The following CERT1 variants were observed in gnomAD, a reference collection of about 807,000 sequenced individuals.
CERT1 encodes the protein ceramide transporter 1.
CERT1 carries 31 observed loss-of-function variants against 87.9 expected under a neutral mutation model. That is an observed-to-expected ratio of 0.35 (90% CI 0.27 to 0.48). CERT1 has a LOEUF of 0.48. Among genes scored for constraint, CERT1 ranks in the 20% least tolerant of loss-of-function variants. CERT1 has a pLI of 0.99. For missense variants in CERT1, 487 were observed against 758.0 expected (o/e 0.64, Z 4.20); for synonymous variants, 289 against 250.9 (o/e 1.15, Z -1.44).
chr5:75,445,951 T>C (rs1233301847), intron 3 of CERT1, among the ~76,000 whole-genome samples: 2 of 152,264 alleles, frequency 1.3e-5, no homozygotes, highest in Admixed American at 6.5e-5. Flanking sequence ...GCTTTCAGGA[T>C]ACTCTGTATG....
intron 6 of CERT1, among the ~76,000 whole-genome samples, chr5:75,417,621 A>G: frequency 6.6e-6 from 1 of 152,228 alleles, no homozygotes; most frequent in South Asian, 2.1e-4. Context: ...TCATTCTAGT[A>G]GAATAATTAT....
intron 3 of CERT1, among the ~76,000 whole-genome samples, chr5:75,458,520 T>C (rs1484409268): frequency 6.6e-6 from 1 of 152,186 alleles, no homozygotes; most frequent in African/African-American, 2.4e-5. Flanking sequence ...TGAAAAAGGG[T>C]ATATTTTTGA....
chr5:75,452,924 A>G (rs956315836), intron 3 of CERT1, among the ~76,000 whole-genome samples: 1 of 152,194 alleles, frequency 6.6e-6, no homozygotes, highest in Non-Finnish European at 1.5e-5. Context: ...AGCCAGCACA[A>G]TATTTCTAAA....
At chr5:75,383,278 T>C (rs1761660465) in intron 14 of CERT1, among the ~76,000 whole-genome samples, 1 of 152,136 alleles carries the variant, frequency 6.6e-6, no homozygotes, top group Non-Finnish European at 1.5e-5. Flanking sequence ...ATTATAACTG[T>C]AACAAATTTT....
intron 8 of CERT1, among the ~76,000 whole-genome samples, chr5:75,408,964 G>A (rs1234855726): frequency 1.3e-5 from 2 of 151,882 alleles, no homozygotes; most frequent in African/African-American, 4.8e-5. Context: ...GATGGAAGCA[G>A]AGATAAATAT....
At chr5:75,426,807 T>C (rs908809182) in intron 3 of CERT1, among the ~76,000 whole-genome samples, 4 of 152,206 alleles carry the variant, frequency 2.6e-5, no homozygotes, top group Non-Finnish European at 5.9e-5. Flanking sequence ...TATTATTTAA[T>C]GGACACAGAG....
intron 3 of CERT1, among the ~76,000 whole-genome samples, chr5:75,426,904 T>C (rs185623631): frequency 3.9e-5 from 6 of 152,348 alleles, no homozygotes; most frequent in Non-Finnish European, 8.8e-5. Flanking sequence ...ACCACAGAAC[T>C]GTACACTTAA....
intron 3 of CERT1, among the ~76,000 whole-genome samples, chr5:75,450,852 T>C (rs1393293628): frequency 1.3e-5 from 2 of 152,236 alleles, no homozygotes; most frequent in African/African-American, 4.8e-5. Context: ...CTCACATGTA[T>C]TGTTGATGTT....
intron 2 of CERT1, among the ~76,000 whole-genome samples, chr5:75,491,246 T>C (rs1203081144): frequency 6.6e-6 from 1 of 152,182 alleles, no homozygotes; most frequent in African/African-American, 2.4e-5. Flanking sequence ...AGTTTTGCTT[T>C]AATAGTAGAG....
chr5:75,385,702 G>T (rs1325843602), intron 13 of CERT1, among the ~76,000 whole-genome samples, 200 bp downstream of exon 13: 2 of 152,176 alleles, frequency 1.3e-5, no homozygotes. Flanking sequence ...GATTACTGAG[G>T]TTATTGGATC....
intron 2 of CERT1, among the ~76,000 whole-genome samples, chr5:75,484,452 C>A (rs1443828917): frequency 6.7e-6 from 1 of 148,256 alleles, no homozygotes; most frequent in Admixed American, 6.7e-5. Flanking sequence ...GACAGAGTGA[C>A]TGAATGGATT....
At chr5:75,494,688 G>A (rs1766975196) in intron 2 of CERT1, among the ~76,000 whole-genome samples, 2 of 152,166 alleles carry the variant, frequency 1.3e-5, no homozygotes, top group Admixed American at 6.5e-5. Context: ...TGTAGATCTA[G>A]TTTTGAGCTT....
intron 2 of CERT1, among the ~76,000 whole-genome samples, chr5:75,480,965 TC>T (rs1414277276): frequency 1.3e-5 from 2 of 152,196 alleles, no homozygotes; most frequent in Non-Finnish European, 2.9e-5. Flanking sequence ...CCTGCTTCCA[TC>T]CCTGCCTCCT....
downstream of CERT1, chr5:75,374,104 A>G (rs889730232): frequency 2.5e-6 from 1 of 399,312 alleles, no homozygotes; most frequent in Admixed American, 4.4e-5. Context: ...AGACAAGGCT[A>G]TAGATCCTAC....
intron 3 of CERT1, among the ~76,000 whole-genome samples, chr5:75,449,274 T>A (rs1441864948): frequency 6.6e-6 from 1 of 152,198 alleles, no homozygotes; most frequent in South Asian, 2.1e-4. Flanking sequence ...AAGTTATGAA[T>A]AAACAGGAAT....
At chr5:75,433,602 C>T (rs987997811) in intron 3 of CERT1, among the ~76,000 whole-genome samples, 1 of 152,132 alleles carries the variant, frequency 6.6e-6, no homozygotes. Flanking sequence ...CTCACTGAAG[C>T]CTCAACCTCC....
chr5:75,427,787 C>T (rs988117845), intron 3 of CERT1, among the ~76,000 whole-genome samples: 1 of 151,944 alleles, frequency 6.6e-6, no homozygotes, highest in African/African-American at 2.4e-5. Context: ...GAAAACAAAC[C>T]TGTAGGTTTA....
At chr5:75,445,833 T>TTA (rs760736751) in intron 3 of CERT1, among the ~76,000 whole-genome samples, 4 of 152,216 alleles carry the variant, frequency 2.6e-5, no homozygotes, top group African/African-American at 4.8e-5. Context: ...TTCTTTCCTT[T>TTA]TAGCACTTTG....
At chr5:75,414,747 G>A (rs1303925810) in intron 7 of CERT1, among the ~76,000 whole-genome samples, 1 of 152,020 alleles carries the variant, frequency 6.6e-6, no homozygotes, top group East Asian at 1.9e-4. Context: ...CTACATAAAA[G>A]TATAATATAG....
Sources: gnomAD v4.1 joint callset for allele counts (sites outside exome capture counted in the v4.1 genomes callset) on GRCh38, gnomAD v4.1.1 for gene constraint, MANE v1.5 for transcripts, NCBI Gene and HGNC (gene_info 2026-07-23, HGNC 2026-07-21) for gene names.